The following CERS3 variants were observed in gnomAD, a reference collection of about 807,000 sequenced individuals.
The protein encoded by CERS3 is ceramide synthase 3.
Under a neutral mutation model 50.3 loss-of-function variants are expected in CERS3, and 33 were observed. That is an observed-to-expected ratio of 0.66 (90% confidence interval 0.50 to 0.88). CERS3 has a LOEUF of 0.88. Among genes scored for constraint, CERS3 ranks in the 40% least tolerant of loss-of-function variants. CERS3 has a pLI of 0.00. For synonymous variants in CERS3, 176 were observed against 155.2 expected (o/e 1.13, Z -0.99); for missense variants, 470 against 460.3 (o/e 1.02, Z -0.19).
intron 11 of CERS3, among the ~76,000 whole-genome samples, chr15:100,425,266 A>G (rs2032742023): frequency 6.6e-6 from 1 of 152,302 alleles, no homozygotes; most frequent in African/African-American, 2.4e-5. Context: ...CCCAGACCCC[A>G]AAATGGTAGA....
rs1177574843 is a variant in CERS3, at chr15:100,449,386, AG to A, written c.999+6506del. On this transcript the variant is annotated intron_variant, in intron 11 of 11. Coordinates refer to ENST00000679737, the MANE Select transcript of CERS3 (RefSeq NM_001378789.1). ...CCACAGCTTCTGCCTAGGGGCCCAA[AG>A]GCCAACCTACCTCCTGCCCCATCAC... Among the ~76,000 whole-genome samples, 5 of 152,178 alleles carry A rather than the reference AG, an allele frequency of 3.3e-5. 1 individual carries two copies. The South Asian group carries it at 1.0e-3, about 31-fold the overall frequency.
At chr15:100,435,828 CT>C (rs2033376968) in intron 11 of CERS3, among the ~76,000 whole-genome samples, 1 of 152,200 alleles carries the variant, frequency 6.6e-6, no homozygotes, top group Admixed American at 6.5e-5. Context: ...TGAACAGACA[CT>C]TTTCAAAAGA....
intron 11 of CERS3, among the ~76,000 whole-genome samples, chr15:100,421,686 C>T (rs920171135): frequency 1.0e-4 from 15 of 150,312 alleles, no homozygotes; most frequent in Admixed American, 2.0e-4. Context: ...TCAAACTATA[C>T]GACAAGGCTA....
chr15:100,543,476 G>T (rs565489517), intron 1 of CERS3, among the ~76,000 whole-genome samples: 2 of 139,932 alleles, frequency 1.4e-5, no homozygotes, highest in East Asian at 4.5e-4. Flanking sequence ...ATGACCACAA[G>T]AGAAGGCTTC....
intron 6 of CERS3, 65 bp from the exon 7 acceptor site, chr15:100,479,543 T>TGC: frequency 7.8e-7 from 1 of 1,285,330 alleles, no homozygotes; most frequent in Non-Finnish European, 1.1e-6. Flanking sequence ...CAAAGGTCAA[T>TGC]TTTGGCAGAA....
chr15:100,492,453 T>C (rs564787453), intron 3 of CERS3, among the ~76,000 whole-genome samples: 13 of 152,350 alleles, frequency 8.5e-5, no homozygotes, highest in African/African-American at 2.9e-4. Context: ...TATTATAAAA[T>C]GTCCTTTGTC....
intron 11 of CERS3, among the ~76,000 whole-genome samples, chr15:100,418,838 A>G (rs1280317191): frequency 7.3e-5 from 11 of 150,450 alleles, no homozygotes; most frequent in African/African-American, 2.2e-4. Flanking sequence ...ACTAAGCTTC[A>G]TAAGTGAAGG....
intron 3 of CERS3, among the ~76,000 whole-genome samples, chr15:100,495,871 C>T (rs73473854): frequency 0.022 from 3,422 of 152,216 alleles, 137 homozygotes; most frequent in African/African-American, 0.078. Flanking sequence ...AGTTGTACAA[C>T]CATTACTATG....
intron 11 of CERS3, among the ~76,000 whole-genome samples, chr15:100,427,691 A>C (rs751755482): frequency 9.2e-5 from 14 of 152,242 alleles, no homozygotes; most frequent in Admixed American, 2.0e-4. Flanking sequence ...GTACTGTCCC[A>C]GACTCTGACT....
intron 8 of CERS3, among the ~76,000 whole-genome samples, chr15:100,473,324 A>C (rs2035027219): frequency 2.0e-5 from 3 of 152,160 alleles, no homozygotes; most frequent in Non-Finnish European, 4.4e-5. Context: ...ATGCATACAC[A>C]CACAAGCATA....
chr15:100,466,737 T>TTTCC (rs1197426230), intron 10 of CERS3, among the ~76,000 whole-genome samples: 1,607 of 74,242 alleles, frequency 0.022, 189 homozygotes, highest in Admixed American at 0.061. Context: ...TCTTTCCTTC[T>TTTCC]TTCCTTCCTT....
intron 10 of CERS3, among the ~76,000 whole-genome samples, chr15:100,463,333 G>T (rs1468975605): frequency 1.3e-5 from 2 of 150,536 alleles, no homozygotes; most frequent in Non-Finnish European, 2.9e-5. Context: ...AACTCAGGAG[G>T]CTGAGGCAGG....
chr15:100,431,095 T>C (rs1018285011), intron 11 of CERS3, among the ~76,000 whole-genome samples: 1 of 152,188 alleles, frequency 6.6e-6, no homozygotes, highest in African/African-American at 2.4e-5. Context: ...AGACTGCACT[T>C]TGGAGAGCAT....
At chr15:100,467,896 G>GATATAGATATAGATATAGATATAT (rs1567640329) in intron 10 of CERS3, among the ~76,000 whole-genome samples, 3 of 42,596 alleles carry the variant, frequency 7.0e-5, no homozygotes, top group African/African-American at 1.7e-4. Flanking sequence ...TATAGATATA[G>GATATAGATATAGATATAGATATAT]ATATATTTAA....
In CERS3 at chr15:100,402,910, A is replaced by G. The variant is rs770061415; in HGVS notation, c.1000-45T>C. The G allele has an allele frequency of 1.1e-5, 17 of 1,547,158 alleles. No individual in the cohort carries two copies. The African/African-American group carries it at 2.1e-4, about 19-fold the overall frequency. ...GGCTGTGAGTGACAATCTTCCAGGA[A>G]GAGTCTTGAGTAAATCTGCCAACAG... On this transcript the variant is annotated intron_variant, in intron 11 of 11. Transcript: ENST00000679737.
chr15:100,446,948 C>T (rs946574281), intron 11 of CERS3, among the ~76,000 whole-genome samples: 1 of 152,164 alleles, frequency 6.6e-6, no homozygotes, highest in Non-Finnish European at 1.5e-5. Context: ...ACACCAAGTT[C>T]CAGCCTGACT....
intron 11 of CERS3, among the ~76,000 whole-genome samples, chr15:100,442,897 A>T (rs199911815): frequency 0.084 from 10,503 of 124,372 alleles, 386 homozygotes; most frequent in African/African-American, 0.19. Flanking sequence ...TACCTTCTTT[A>T]CAAAGGCCTG....
intron 11 of CERS3, among the ~76,000 whole-genome samples, chr15:100,417,960 A>G (rs1202536853): frequency 6.6e-6 from 1 of 152,162 alleles, no homozygotes; most frequent in Non-Finnish European, 1.5e-5. Context: ...CCAAAAGTAG[A>G]TAAAACCACA....
At chr15:100,518,012 T>G (rs2036539227) in intron 2 of CERS3, among the ~76,000 whole-genome samples, 3 of 152,188 alleles carry the variant, frequency 2.0e-5, no homozygotes, top group Admixed American at 2.0e-4. Flanking sequence ...CAAATGGGGA[T>G]GGGTCATTCA....
Sources: gnomAD v4.1 joint callset for allele counts (sites outside exome capture counted in the v4.1 genomes callset) on GRCh38, gnomAD v4.1.1 for gene constraint, MANE v1.5 for transcripts, NCBI Gene and HGNC (gene_info 2026-07-23, HGNC 2026-07-21) for gene names.